Variants in CFAP54 observed in about 807,000 individuals in gnomAD.
CFAP54 encodes cilia and flagella associated protein 54.
Under a neutral mutation model 370.4 loss-of-function variants are expected in CFAP54, and 290 were observed. The observed-to-expected ratio is 0.78, with a 90% confidence interval of 0.71 to 0.86. The LOEUF is 0.86. CFAP54 is among the 40% of genes least tolerant of loss of function. The pLI is 0.00. For missense variants in CFAP54, 3,399 were observed against 3,528.7 expected, an observed-to-expected ratio of 0.96 and a Z score of 0.93; for synonymous variants, 1,206 against 1,236.5, an observed-to-expected ratio of 0.98 and a Z score of 0.52.
chr12:96,575,759 G>A (rs1650237372), intron 19 of CFAP54, among the ~76,000 whole-genome samples: 1 of 152,020 alleles, frequency 6.6e-6, no homozygotes, highest in Non-Finnish European at 1.5e-5. Context: ...ATTTGCCTAT[G>A]GTGTGAAGTA....
At chr12:96,543,368 C>T (rs1001422407) in intron 14 of CFAP54, among the ~76,000 whole-genome samples, 4 of 152,144 alleles carry the variant, frequency 2.6e-5, no homozygotes, top group Admixed American at 2.6e-4. Flanking sequence ...GAGTTCAGGG[C>T]CTGTTCCCAT....
intron 65 of CFAP54, among the ~76,000 whole-genome samples, chr12:96,826,833 ATATCATATAAT>A: frequency 8.6e-6 from 1 of 115,786 alleles, no homozygotes; most frequent in Admixed American, 1.1e-4. Context: ...ATTATATAAT[ATATCATATAAT>A]ATTATATAAT....
intron 6 of CFAP54, 99 bp downstream of exon 6, chr12:96,519,170 C>G: frequency 8.5e-7 from 1 of 1,177,012 alleles, no homozygotes; most frequent in Non-Finnish European, 1.1e-6. Flanking sequence ...GTGATCTCGG[C>G]TCACTGCAAC....
chr12:96,666,204 A>G (rs1368328847), intron 39 of CFAP54, among the ~76,000 whole-genome samples: 2 of 152,216 alleles, frequency 1.3e-5, no homozygotes, highest in African/African-American at 4.8e-5. Context: ...TATCTTATTT[A>G]TGAATGCTTT....
rs1285961819 is a variant in CFAP54, at chr12:96,554,945, T to A, written c.2410+143T>A. On this transcript the variant is annotated intron_variant, in intron 17 of 67. Coordinates refer to ENST00000524981, the MANE Select transcript of CFAP54 (RefSeq NM_001306084.2). ...TTTTTTTCTACTTCCCTAATTAATA[T>A]CAATAAAAACATAATTAAATCTTTC... 4.5e-6 allele frequency: 3 copies of A among 659,814 alleles called. No individual in the cohort carries two copies. In the African/African-American group the frequency reaches 5.6e-5, roughly 12 times the overall value. The allele number at this position is 659,814 out of a possible 1,614,324, so 40.9% of individuals were successfully genotyped here.
At chr12:96,658,707 C>T (rs1956953972) in intron 38 of CFAP54, among the ~76,000 whole-genome samples, 1 of 151,962 alleles carries the variant, frequency 6.6e-6, no homozygotes, top group Admixed American at 6.6e-5. Flanking sequence ...CTCACTGCAA[C>T]CTCCGCCTCT....
Position 96,784,799 on chromosome 12 carries a change from A to G in CFAP54, c.8364A>G (p.Lys2788=). ...DDVCDSADGR[K]KTQTKVDITW... is the part of the protein sequence containing the mutation. ...TGTGTGACAGCGCAGATGGTAGAAA[A>G]AAGACTCAGACCAAAGTGGATATTA... The change falls in exon 61 of 68, where the codon AAA becomes AAG. Residue 2788 remains lysine, a synonymous_variant. Coordinates refer to ENST00000524981, the MANE Select transcript of CFAP54 (RefSeq NM_001306084.2). The G allele has an allele frequency of 6.5e-7, 1 of 1,534,928 alleles. No individual in the cohort carries two copies. Among genetic ancestry groups the G allele is most frequent in the Non-Finnish European group, 8.7e-7 (1 of 1,146,090 alleles).
At chr12:96,859,860 C>G (rs1411892062) in intron 66 of CFAP54, among the ~76,000 whole-genome samples, 1 of 152,086 alleles carries the variant, frequency 6.6e-6, no homozygotes, top group Non-Finnish European at 1.5e-5. Flanking sequence ...TGGAAGGATA[C>G]TCTCCAATCT....
intron 65 of CFAP54, among the ~76,000 whole-genome samples, chr12:96,820,450 A>T (rs1235557257): frequency 6.6e-6 from 1 of 152,126 alleles, no homozygotes; most frequent in Non-Finnish European, 1.5e-5. Context: ...TGCATTTTTC[A>T]TTATTGTAAA....
intron 30 of CFAP54, among the ~76,000 whole-genome samples, chr12:96,629,162 C>T (rs1199428765): frequency 2.0e-5 from 3 of 152,046 alleles, no homozygotes; most frequent in Non-Finnish European, 2.9e-5. Context: ...AAGTGTCCAT[C>T]GTTACTTTAT....
At position 96,720,422 on chromosome 12, in the gene CFAP54, A is replaced by G. The variant is rs751539208; in HGVS notation, c.6822A>G (p.Glu2274=). Residue 2274 remains glutamate (E), a synonymous_variant, in exon 50 of 68, where the codon GAA becomes GAG. Coordinates refer to ENST00000524981, the MANE Select transcript of CFAP54 (RefSeq NM_001306084.2). The part of the protein sequence containing the change: ...LSMLKSMLLM[E]AEDRLNFLLS... The stretch of plus-strand genomic sequence containing the variant: ...TTCCTTAGTCGATGTTACTGATGGA[A>G]GCTGAGGACAGGCTAAACTTCCTTC... 6.5e-6 allele frequency: 10 copies of G among 1,538,800 alleles called. No homozygotes were observed. The East Asian group carries it at 2.5e-4, about 38-fold the overall frequency.
chr12:96,752,731 A>G (rs1174724347), intron 55 of CFAP54, among the ~76,000 whole-genome samples: 1 of 152,194 alleles, frequency 6.6e-6, no homozygotes, highest in Non-Finnish European at 1.5e-5. Flanking sequence ...ACAATTGGCC[A>G]TGCAGTATTT....
intron 61 of CFAP54, 93 bp from the exon 62 acceptor site, chr12:96,786,582 G>T: frequency 1.1e-6 from 1 of 888,872 alleles, no homozygotes; most frequent in Non-Finnish European, 1.7e-6. Context: ...GTGGGAATAT[G>T]TAACGATAGT....
rs1433766883 is a variant in CFAP54 at position 96,554,368 on chromosome 12, G to C, written c.2283+58G>C. 4 of 1,442,144 alleles carry C rather than the reference G, an allele frequency of 2.8e-6. No individual in the cohort carries two copies. In the East Asian group the frequency reaches 1.0e-4, roughly 37 times the overall value. The allele number at this position is 1,442,144 out of a possible 1,614,324, so 89.3% of individuals were successfully genotyped here. On this transcript the variant is annotated intron_variant, in intron 16 of 67. Transcript: ENST00000524981. ...GTTTTACTTAACTGGGAAGAAAACT[G>C]GCCTTGAAAGTAGGTAAGTAAAGCA... is the stretch of plus-strand genomic sequence containing the variant.
intron 55 of CFAP54, among the ~76,000 whole-genome samples, chr12:96,750,159 GT>G (rs895084049): frequency 6.6e-6 from 1 of 152,184 alleles, no homozygotes; most frequent in African/African-American, 2.4e-5. Context: ...TTTGGATGCT[GT>G]CCCTGATTTT....
At chr12:96,639,807 A>G (rs1323066838) in intron 32 of CFAP54, among the ~76,000 whole-genome samples, 1 of 152,230 alleles carries the variant, frequency 6.6e-6, no homozygotes, top group East Asian at 1.9e-4. Flanking sequence ...TCCAGCATAT[A>G]AACAGAACCA....
At chr12:96,641,787 A>C (rs1956731014) in intron 32 of CFAP54, among the ~76,000 whole-genome samples, 2 of 152,224 alleles carry the variant, frequency 1.3e-5, no homozygotes, top group Admixed American at 1.3e-4. Context: ...AGGGACATGG[A>C]TGAAGCTGGA....
intron 66 of CFAP54, among the ~76,000 whole-genome samples, chr12:96,835,591 G>T (rs1959183536): frequency 6.6e-6 from 1 of 152,178 alleles, no homozygotes; most frequent in Admixed American, 6.5e-5. Flanking sequence ...ATTGGAGCAG[G>T]TGCCAACAGC....
intron 56 of CFAP54, among the ~76,000 whole-genome samples, chr12:96,754,468 T>C (rs923258604): frequency 1.3e-5 from 2 of 152,188 alleles, no homozygotes; most frequent in African/African-American, 4.8e-5. Flanking sequence ...CTGTATTCAG[T>C]ATGTTCAATA....
Sources: gnomAD v4.1 joint callset for allele counts (sites outside exome capture counted in the v4.1 genomes callset) on GRCh38, gnomAD v4.1.1 for gene constraint, MANE v1.5 for transcripts, NCBI Gene and HGNC (gene_info 2026-07-23, HGNC 2026-07-21) for gene names.